JAM3: variants seen among roughly 807,000 people sequenced by gnomAD.
JAM3 encodes the protein junctional adhesion molecule 3.
JAM3 carries 31 observed loss-of-function variants against 39.4 expected under a neutral mutation model. The observed-to-expected ratio is 0.79, with a 90% CI of 0.59 to 1.06. The LOEUF (loss-of-function observed/expected upper bound fraction) is 1.06, where lower values mean the gene tolerates loss of function less well. Ranked by LOEUF, JAM3 falls within the 50% of genes least tolerant of loss-of-function variation. JAM3 has a pLI of 0.00. For missense variants in JAM3, 455 were observed against 391.4 expected, an observed-to-expected ratio of 1.16 and a Z score of -1.37; for synonymous variants, 182 against 148.7, an observed-to-expected ratio of 1.22 and a Z score of -1.63.
intron 1 of JAM3, among the ~76,000 whole-genome samples, chr11:134,081,484 C>T (rs1431062622): frequency 6.6e-6 from 1 of 152,220 alleles, no homozygotes; most frequent in Admixed American, 6.5e-5. Context: ...AAGGGGCCAG[C>T]ATAGAGCTGA....
chr11:134,080,110 A>G (rs903055794), intron 1 of JAM3, among the ~76,000 whole-genome samples: 1 of 152,170 alleles, frequency 6.6e-6, no homozygotes, highest in Non-Finnish European at 1.5e-5. Flanking sequence ...GTTATTTTTA[A>G]TTCAATCTGA....
At chr11:134,071,113 A>G (rs1941478386) in intron 1 of JAM3, among the ~76,000 whole-genome samples, 1 of 152,112 alleles carries the variant, frequency 6.6e-6, no homozygotes, top group South Asian at 2.1e-4. Flanking sequence ...TGCTATTACT[A>G]TTTATTTTCA....
intron 1 of JAM3, chr11:134,123,826 A>C: frequency 1.3e-6 from 1 of 774,186 alleles, no homozygotes; most frequent in Non-Finnish European, 2.4e-6. Flanking sequence ...ATTTCTTTCT[A>C]CTGAACACAG....
In JAM3 at chr11:134,099,810, T is replaced by C. The variant is rs557675118; in HGVS notation, c.76+30651T>C. 4.6e-5 allele frequency among the ~76,000 whole-genome samples: 7 copies of C among 152,290 alleles called. No individual in the cohort carries two copies. In the South Asian group the frequency reaches 1.5e-3, roughly 32 times the overall value. ...TTAGTAGAGACGGGGTTTCACCATG[T>C]TGGTCAGGCTGGTCTCGAACTCCAG... On this transcript the variant is annotated intron_variant, in intron 1 of 8. Transcript: ENST00000299106.
Position 134,069,108 on chromosome 11 carries a change from C to T in JAM3, c.25C>T (p.Leu9Phe). The T allele has an allele frequency of 6.2e-7, 1 of 1,612,330 alleles. No individual in the cohort carries two copies. The highest frequency in any genetic ancestry group is 8.5e-7 in the Non-Finnish European group (1 of 1,179,298). ...CATGGCGCTGAGGCGGCCACCGCGA[C>T]TCCGGCTCTGCGCTCGGCTGCCTGA... Reference protein sequence around the residue: MALRRPPRLRLCARLPDFF... With the variant: MALRRPPRFRLCARLPDFF... Residue 9 changes from leucine to phenylalanine, a missense_variant, in exon 1 of 9, where the codon CTC becomes TTC. Coordinates refer to ENST00000299106, the MANE Select transcript of JAM3 (RefSeq NM_032801.5).
chr11:134,083,836 T>C (rs1941704781), intron 1 of JAM3, among the ~76,000 whole-genome samples: 1 of 152,144 alleles, frequency 6.6e-6, no homozygotes, highest in African/African-American at 2.4e-5. Flanking sequence ...GAAATCACCT[T>C]ACCATCATGG....
intron 1 of JAM3, among the ~76,000 whole-genome samples, chr11:134,119,336 G>T (rs532959539): frequency 6.6e-6 from 1 of 152,304 alleles, no homozygotes; most frequent in East Asian, 1.9e-4. Flanking sequence ...GCTTAACCCT[G>T]GGGTGTTACA....
Position 134,115,550 on chromosome 11 carries a change from A to G in JAM3, c.77-24301A>G, listed in dbSNP as rs75246844. Among the ~76,000 whole-genome samples, 409 of 152,222 alleles carry G rather than the reference A, an allele frequency of 2.7e-3. 8 individuals are homozygous for G. The South Asian group carries it at 0.03, about 11-fold the overall frequency. ...AGAGTAGTGGTTAGGTGTTTTGCAG[A>G]AAGTCTTCAATTTGAGTTTATCTGA... On this transcript the variant is annotated intron_variant, in intron 1 of 8. Transcript: ENST00000299106.
At chr11:134,109,499 A>T (rs529201393) in intron 1 of JAM3, among the ~76,000 whole-genome samples, 2 of 152,348 alleles carry the variant, frequency 1.3e-5, no homozygotes, top group East Asian at 3.9e-4. Flanking sequence ...ACACAGCCAC[A>T]TCCATCCATT....
intron 1 of JAM3, among the ~76,000 whole-genome samples, chr11:134,132,153 A>G (rs1438780840): frequency 5.9e-5 from 9 of 152,372 alleles, no homozygotes; most frequent in African/African-American, 2.2e-4. Context: ...CAAACTTGAC[A>G]AAGAGAAATT....
chr11:134,111,899 G>T (rs1942319293), intron 1 of JAM3, among the ~76,000 whole-genome samples: 1 of 152,164 alleles, frequency 6.6e-6, no homozygotes, highest in African/African-American at 2.4e-5. Flanking sequence ...GAAGCCCAGT[G>T]TGCTCACAGG....
rs1262182931 is a variant in JAM3 at position 134,124,223 on chromosome 11, C to T, written c.77-15628C>T. 1.6e-5 allele frequency: 22 copies of T among 1,356,654 alleles called. No individual in the cohort carries two copies. In the East Asian group the frequency reaches 2.1e-4, roughly 13 times the overall value. 84.0% of individuals were successfully genotyped at this position (1,356,654 alleles called of 1,614,324 possible). A position where few individuals can be genotyped will look rare whatever the true frequency, so the allele number is the denominator to read the frequency against. On this transcript the variant is annotated intron_variant, in intron 1 of 8. Coordinates refer to ENST00000299106, the MANE Select transcript of JAM3 (RefSeq NM_032801.5). ...GAACCAAAGTCATCACTCCATACTT[C>T]TTAAGTTCCTCTGGGAACTCGTTGA...
At chr11:134,071,953 G>A (rs1008509310) in intron 1 of JAM3, among the ~76,000 whole-genome samples, 1 of 152,144 alleles carries the variant, frequency 6.6e-6, no homozygotes, top group Non-Finnish European at 1.5e-5. Flanking sequence ...AGACTGAATG[G>A]ATAAGTACTA....
chr11:134,147,327 G>A (rs572140185), intron 6 of JAM3, among the ~76,000 whole-genome samples: 2 of 151,294 alleles, frequency 1.3e-5, no homozygotes, highest in South Asian at 4.2e-4. Flanking sequence ...GGTGGCAGGC[G>A]CCTGTAGTCC....
chr11:134,131,824 A>G (rs529873280), intron 1 of JAM3, among the ~76,000 whole-genome samples: 1 of 152,354 alleles, frequency 6.6e-6, no homozygotes, highest in African/African-American at 2.4e-5. Flanking sequence ...GAGGGTTTCA[A>G]CAGCAGATTG....
Position 134,148,558 on chromosome 11 carries a change from A to T in JAM3, c.724A>T (p.Ile242Phe). 3 of 1,614,048 alleles carry T rather than the reference A, an allele frequency of 1.9e-6. No individual in the cohort carries two copies. The highest frequency in any genetic ancestry group is 2.5e-6 in the Non-Finnish European group (3 of 1,180,014). ...EQEMEVYDLN[I>F]GGIIGGVLVV... ...CTCCTTTTCTTCAGATGACCTGAACATTGGCGGAATTATTGGGGGGGTTCT... is the reference window on the plus strand; with the variant it reads ...CTCCTTTTCTTCAGATGACCTGAACTTTGGCGGAATTATTGGGGGGGTTCT... Residue 242 changes from isoleucine to phenylalanine, a missense_variant, in exon 7 of 9, where the codon ATT becomes TTT. Coordinates refer to ENST00000299106, the MANE Select transcript of JAM3 (RefSeq NM_032801.5).
chr11:134,137,705 G>A (rs11223710), intron 1 of JAM3, among the ~76,000 whole-genome samples: 8,809 of 140,018 alleles, frequency 0.063, 2 homozygotes, highest in African/African-American at 0.12. Context: ...AAATGTTTAT[G>A]GCCAGTAGTC....
At chr11:134,121,148 G>A (rs566069407) in intron 1 of JAM3, among the ~76,000 whole-genome samples, 10 of 152,288 alleles carry the variant, frequency 6.6e-5, no homozygotes, top group African/African-American at 2.4e-4. Flanking sequence ...TAGAACTGGG[G>A]GACTGTGCTC....
chr11:134,149,712 A>G lies in JAM3; in HGVS notation c.*531A>G, dbSNP rs1943157977. 1 of 455,436 alleles carries G rather than the reference A, an allele frequency of 2.2e-6. No individual in the cohort carries two copies. The highest frequency in any genetic ancestry group is 2.0e-5 in the African/African-American group (1 of 50,028). 28.2% of individuals were successfully genotyped at this position (455,436 alleles called of 1,614,324 possible). A position where few individuals can be genotyped will look rare whatever the true frequency, so the allele number is the denominator to read the frequency against. On this transcript the variant is annotated 3_prime_UTR_variant, in exon 9 of 9. Transcript: ENST00000299106. The stretch of plus-strand genomic sequence containing the variant: ...TAAAGGCTCTGCTGATCGGTGTTGC[A>G]GTGTCCATTGTGGAGAAGCTTTTTG...
Sources: allele counts gnomAD v4.1 joint callset (sites outside exome capture counted in the v4.1 genomes callset), GRCh38; gene constraint gnomAD v4.1.1; transcripts MANE v1.5; gene names NCBI Gene and HGNC (gene_info 2026-07-23, HGNC 2026-07-21).